TGFBR3: variants seen among roughly 807,000 people sequenced by gnomAD.
TGFBR3 encodes transforming growth factor beta receptor type 3.
TGFBR3 carries 46 observed loss-of-function variants against 87.9 expected under a neutral mutation model. The ratio of observed to expected loss-of-function variants is 0.52; its 90% CI spans 0.41 to 0.67. The LOEUF is 0.67. Ranked by LOEUF, TGFBR3 falls within the 30% of genes least tolerant of loss-of-function variation. The probability of loss-of-function intolerance (pLI) is 0.00; values close to 1 mark genes in which losing one functional copy is unlikely to be tolerated. For synonymous variants in TGFBR3, 381 were observed against 391.6 expected (o/e 0.97, Z 0.32); for missense variants, 866 against 1,041.9 (o/e 0.83, Z 2.32).
chr1:91,747,521 T>C (rs571691971), intron 4 of TGFBR3, among the ~76,000 whole-genome samples: 1 of 152,266 alleles, frequency 6.6e-6, no homozygotes, highest in South Asian at 2.1e-4. Context: ...ATGAAACAGT[T>C]AAAGCAACGA....
intron 3 of TGFBR3, among the ~76,000 whole-genome samples, chr1:91,793,184 GCT>G (rs1675255575): frequency 6.6e-6 from 1 of 151,818 alleles, no homozygotes; most frequent in African/African-American, 2.4e-5. Flanking sequence ...TTGGGTGTAG[GCT>G]CTGTCACCGC....
chr1:91,698,558 T>C (rs1671509163), intron 14 of TGFBR3, among the ~76,000 whole-genome samples: 1 of 150,130 alleles, frequency 6.7e-6, no homozygotes, highest in Non-Finnish European at 1.5e-5. Flanking sequence ...TTGCTCAGGC[T>C]GGAGGGCAGT....
At chr1:91,822,428 T>C (rs1676483631) in intron 2 of TGFBR3, among the ~76,000 whole-genome samples, 1 of 151,424 alleles carries the variant, frequency 6.6e-6, no homozygotes, top group Non-Finnish European at 1.5e-5. Context: ...CAACGGGTAA[T>C]AATATCTCAG....
chr1:91,714,930 ATC>A (rs1672108957), intron 12 of TGFBR3, among the ~76,000 whole-genome samples: 1 of 152,242 alleles, frequency 6.6e-6, no homozygotes, highest in African/African-American at 2.4e-5. Flanking sequence ...GGAAAACAAC[ATC>A]TAGCGCCAGC....
At chr1:91,881,229 A>G (rs1045320578) in intron 1 of TGFBR3, among the ~76,000 whole-genome samples, 3 of 152,210 alleles carry the variant, frequency 2.0e-5, no homozygotes, top group Non-Finnish European at 2.9e-5. Flanking sequence ...AGAAGTCAGC[A>G]GTGATCACCT....
chr1:91,861,411 C>G (rs1056535891), intron 2 of TGFBR3, 60 bp downstream of exon 2: 1 of 1,334,102 alleles, frequency 7.5e-7, no homozygotes, highest in Non-Finnish European at 1.1e-6. Context: ...ACTAAAGAGA[C>G]TGGGACAAAA....
At chr1:91,760,009 A>T (rs977911382) in intron 3 of TGFBR3, among the ~76,000 whole-genome samples, 1 of 152,256 alleles carries the variant, frequency 6.6e-6, no homozygotes, top group Non-Finnish European at 1.5e-5. Flanking sequence ...GTATGCTCTC[A>T]GGTCATTGAT....
At chr1:91,758,963 A>T (rs1673850877) in intron 3 of TGFBR3, among the ~76,000 whole-genome samples, 1 of 152,244 alleles carries the variant, frequency 6.6e-6, no homozygotes, top group Non-Finnish European at 1.5e-5. Flanking sequence ...ATTTCATATT[A>T]GTCAACCACA....
At position 91,797,411 on chromosome 1, in the gene TGFBR3, G is replaced by A. The variant is rs1255844951; in HGVS notation, c.122C>T (p.Ala41Val). The A allele has an allele frequency of 6.2e-7, 1 of 1,614,208 alleles. No individual in the cohort carries two copies. Among genetic ancestry groups the A allele is most frequent in the South Asian group, 1.1e-5 (1 of 91,084 alleles). The change falls in exon 3 of 17, where the codon GCC (alanine) becomes GTC (valine). Residue 41 changes from alanine (A) to valine (V), a missense_variant. Ala to Val is a moderately conservative substitution (Grantham distance 64). Coordinates refer to ENST00000212355, the MANE Select transcript of TGFBR3 (RefSeq NM_003243.5). ...SPVSASHPVQALMESFTVLSG... is the reference protein window; with the variant it reads ...SPVSASHPVQVLMESFTVLSG... Reference sequence around the variant, plus strand: ...CAAAACAGTGAAGCTCTCCATCAAGGCCTGGACAGGATGGGAGGCACTGAC... The same window carrying A: ...CAAAACAGTGAAGCTCTCCATCAAGACCTGGACAGGATGGGAGGCACTGAC...
chr1:91,780,588 T>C (rs1403239278), intron 3 of TGFBR3, among the ~76,000 whole-genome samples: 4 of 135,168 alleles, frequency 3.0e-5, no homozygotes, highest in Non-Finnish European at 6.3e-5. Flanking sequence ...ACATGGAGTT[T>C]CACTCTTGTT....
intron 2 of TGFBR3, among the ~76,000 whole-genome samples, chr1:91,798,965 C>T (rs955364008): frequency 6.6e-6 from 1 of 152,154 alleles, no homozygotes; most frequent in Non-Finnish European, 1.5e-5. Context: ...GATGCTTACT[C>T]CTCACACACT....
chr1:91,736,545 C>G (rs947424736), intron 4 of TGFBR3, among the ~76,000 whole-genome samples: 1 of 151,924 alleles, frequency 6.6e-6, no homozygotes, highest in African/African-American at 2.4e-5. Flanking sequence ...ACATGTAGCT[C>G]TAACCTTGTT....
chr1:91,848,512 A>G (rs1677595952), intron 2 of TGFBR3, among the ~76,000 whole-genome samples: 1 of 152,220 alleles, frequency 6.6e-6, no homozygotes, highest in South Asian at 2.1e-4. Context: ...CAAAACCACT[A>G]TGAATATCCT....
intron 2 of TGFBR3, among the ~76,000 whole-genome samples, chr1:91,832,882 C>A (rs547054198): frequency 6.6e-6 from 1 of 151,758 alleles, no homozygotes; most frequent in Non-Finnish European, 1.5e-5. Flanking sequence ...ATGGTACATG[C>A]CTGTAATTCC....
intron 13 of TGFBR3, among the ~76,000 whole-genome samples, chr1:91,709,182 C>A (rs551871669): frequency 6.6e-6 from 1 of 152,194 alleles, no homozygotes; most frequent in Non-Finnish European, 1.5e-5. Flanking sequence ...CATAAAGACG[C>A]TCCTCAACTT....
At chr1:91,826,788 C>G (rs1015637500) in intron 2 of TGFBR3, among the ~76,000 whole-genome samples, 2 of 151,352 alleles carry the variant, frequency 1.3e-5, no homozygotes, top group African/African-American at 4.9e-5. Flanking sequence ...ATGCCTGTCT[C>G]CCCTCCCTGG....
intron 2 of TGFBR3, among the ~76,000 whole-genome samples, chr1:91,803,305 G>A (rs948295520): frequency 3.9e-5 from 6 of 152,164 alleles, no homozygotes; most frequent in Non-Finnish European, 8.8e-5. Flanking sequence ...CACCCAGAAC[G>A]AAAGCTATGT....
At chr1:91,892,017 T>A (rs1679461870) in intron 2 of TGFBR3, among the ~76,000 whole-genome samples, 2 of 152,190 alleles carry the variant, frequency 1.3e-5, no homozygotes, top group African/African-American at 4.8e-5. Flanking sequence ...GGCACTGGCT[T>A]CAGATCTGGG....
chr1:91,804,900 T>TG (rs1226716393), intron 2 of TGFBR3, among the ~76,000 whole-genome samples: 2 of 152,214 alleles, frequency 1.3e-5, no homozygotes, highest in African/African-American at 4.8e-5. Flanking sequence ...GCTCTGATGA[T>TG]GCTCCTTATC....
Sources: allele counts gnomAD v4.1 joint callset (sites outside exome capture counted in the v4.1 genomes callset), GRCh38; gene constraint gnomAD v4.1.1; transcripts MANE v1.5; gene names NCBI Gene and HGNC (gene_info 2026-07-23, HGNC 2026-07-21).